AGTPBP1: variants seen among roughly 807,000 people sequenced by gnomAD.
AGTPBP1 encodes the protein cytosolic carboxypeptidase 1.
Under a neutral mutation model 143.9 loss-of-function variants are expected in AGTPBP1, and 70 were observed. The ratio of observed to expected loss-of-function variants is 0.49; its 90% CI spans 0.40 to 0.59. AGTPBP1 has a LOEUF of 0.59. Ranked by LOEUF, AGTPBP1 falls within the 20% of genes least tolerant of loss-of-function variation. AGTPBP1 has a pLI of 0.00. For synonymous variants in AGTPBP1, 463 were observed against 500.2 expected, an observed-to-expected ratio of 0.93 and a Z score of 0.99; for missense variants, 1,229 against 1,464.5, an observed-to-expected ratio of 0.84 and a Z score of 2.62.
At chr9:85,763,697 A>G in the AGTPBP1 span, among the ~76,000 whole-genome samples, 10 of 152,224 alleles carry the variant, frequency 6.6e-5, no homozygotes, top group Admixed American at 5.9e-4. Context: ...CAGTCAGTAG[A>G]CAATGTCTAA....
chr9:85,648,687 G>A lies in AGTPBP1; in HGVS notation c.1088-2269C>T, dbSNP rs576870803. Among the ~76,000 whole-genome samples, 13 of 152,076 alleles carry A rather than the reference G, an allele frequency of 8.5e-5. No individual in the cohort carries two copies. The South Asian group carries it at 1.7e-3, about 19-fold the overall frequency. ...ATTAGCTGGGCGTGGTGGCGGGCAC[G>A]TGTAGTCCCAGCTACTCGGGAGGCT... On this transcript the variant is annotated intron_variant, in intron 11 of 25. Coordinates refer to ENST00000357081, the MANE Select transcript of AGTPBP1 (RefSeq NM_001330701.2).
At chr9:85,699,818 T>A (rs1242191843) in intron 2 of AGTPBP1, among the ~76,000 whole-genome samples, 1 of 152,230 alleles carries the variant, frequency 6.6e-6, no homozygotes, top group Non-Finnish European at 1.5e-5. Context: ...TTATGTGGAA[T>A]GGATTATTTT....
the AGTPBP1 span, among the ~76,000 whole-genome samples, chr9:85,783,238 G>C: frequency 6.6e-6 from 1 of 152,174 alleles, no homozygotes; most frequent in Non-Finnish European, 1.5e-5. Context: ...GTCTAGTCTT[G>C]ATAATAACGT....
chr9:85,650,531 T>C (rs1394216744), intron 11 of AGTPBP1, among the ~76,000 whole-genome samples: 1 of 152,222 alleles, frequency 6.6e-6, no homozygotes, highest in African/African-American at 2.4e-5. Flanking sequence ...ATGTATTAAC[T>C]GTTTATGTTA....
At position 85,633,168 on chromosome 9, in the gene AGTPBP1, T is replaced by G. The variant is rs1831798753; in HGVS notation, c.1509A>C (p.Lys503Asn). ...GCTGTTGTAATGTTCTATCATTATC[T>G]TTAATATCTTCTTTTGCTAGATCCA... ...TFMDLAKEDI[K>N]DNDRTLQQQP... Residue 503 changes from lysine (K) to asparagine (N), a missense_variant, in exon 14 of 26, where the codon AAA becomes AAC. Lys to Asn is a moderately conservative substitution (Grantham distance 94). This residue lies in a region of AGTPBP1 where 743 missense variants were observed against 812.2 expected (regional missense o/e 0.91). Coordinates refer to ENST00000357081, the MANE Select transcript of AGTPBP1 (RefSeq NM_001330701.2). 3 of 1,613,390 alleles carry G rather than the reference T, an allele frequency of 1.9e-6. No homozygotes were observed. Among genetic ancestry groups the G allele is most frequent in the Admixed American group, 1.7e-5 (1 of 59,830 alleles).
rs1828070671 is a variant in AGTPBP1, at chr9:85,579,000, C to T, written c.3262G>A (p.Val1088Ile). The T allele has an allele frequency of 6.2e-7, 1 of 1,612,640 alleles. No individual in the cohort carries two copies. Among genetic ancestry groups the T allele is most frequent in the Non-Finnish European group, 8.5e-7 (1 of 1,179,530 alleles). ...EKSKESTARV[V>I]VWREIGVQRS... ...TGTACTCCTATTTCCCTCCAAACTA[C>T]AACACGTGCTGTGGATTCTTTAGAT... The change falls in exon 24 of 26, where the codon GTA (valine) becomes ATA (isoleucine). Residue 1088 changes from valine (V) to isoleucine (I), a missense_variant. By Grantham distance (29) the Val-to-Ile change is conservative. This residue lies in a region of AGTPBP1 where 486 missense variants were observed against 652.3 expected (regional missense o/e 0.75). Transcript: ENST00000357081.
intron 17 of AGTPBP1, among the ~76,000 whole-genome samples, chr9:85,609,220 C>T (rs888252998): frequency 2.6e-5 from 4 of 151,780 alleles, no homozygotes; most frequent in South Asian, 4.2e-4. Context: ...AATATACTCC[C>T]TAATTGTTCA....
chr9:85,680,569 G>T (rs1216828590), intron 4 of AGTPBP1, among the ~76,000 whole-genome samples: 1 of 151,242 alleles, frequency 6.6e-6, no homozygotes, highest in Non-Finnish European at 1.5e-5. Context: ...GGGCGACAGA[G>T]TGAGACTCTG....
intron 17 of AGTPBP1, among the ~76,000 whole-genome samples, chr9:85,612,692 G>A (rs894191775): frequency 1.3e-5 from 2 of 152,102 alleles, no homozygotes; most frequent in Admixed American, 6.5e-5. Context: ...AGGGGCAGTC[G>A]TGGGAGACTG....
chr9:85,789,156 A>G, the AGTPBP1 span, among the ~76,000 whole-genome samples: 10 of 152,202 alleles, frequency 6.6e-5, no homozygotes, highest in Non-Finnish European at 1.2e-4. Flanking sequence ...CTTTTGGTTA[A>G]ACATATATCC....
intron 13 of AGTPBP1, among the ~76,000 whole-genome samples, chr9:85,641,100 C>T (rs1283723266): frequency 6.6e-6 from 1 of 152,172 alleles, no homozygotes; most frequent in Non-Finnish European, 1.5e-5. Flanking sequence ...TAGCCATCTG[C>T]TACCAGATCA....
intron 10 of AGTPBP1, among the ~76,000 whole-genome samples, chr9:85,657,175 G>T (rs1325730009): frequency 1.0e-5 from 1 of 97,702 alleles, no homozygotes; most frequent in African/African-American, 4.8e-5. Flanking sequence ...AAACTTAAAA[G>T]TATAATAATA....
intron 6 of AGTPBP1, among the ~76,000 whole-genome samples, chr9:85,677,235 C>T (rs1342991464): frequency 1.3e-5 from 2 of 152,094 alleles, no homozygotes; most frequent in South Asian, 2.1e-4. Context: ...GTGATGGATA[C>T]CCCATGTACC....
chr9:85,570,971 G>A (rs910635041), intron 25 of AGTPBP1, among the ~76,000 whole-genome samples: 16 of 152,120 alleles, frequency 1.1e-4, no homozygotes, highest in Admixed American at 9.2e-4. Context: ...TTAAGGAAGG[G>A]AATTAGACAT....
chr9:85,734,235 A>C (rs1310979921), intron 1 of AGTPBP1, among the ~76,000 whole-genome samples: 1 of 152,126 alleles, frequency 6.6e-6, no homozygotes, highest in Non-Finnish European at 1.5e-5. Context: ...CCTGGCGACA[A>C]AGAGAGACTC....
chr9:85,629,083 A>G (rs1425224093), intron 14 of AGTPBP1, among the ~76,000 whole-genome samples: 2 of 152,138 alleles, frequency 1.3e-5, no homozygotes, highest in Non-Finnish European at 2.9e-5. Context: ...TTTGCACTTT[A>G]ACTTGCATAC....
chr9:85,618,232 C>CA (rs35683850), intron 17 of AGTPBP1, among the ~76,000 whole-genome samples: 26,412 of 107,242 alleles, frequency 0.25, 3,251 homozygotes, highest in East Asian at 0.6. Flanking sequence ...AACTCCATCT[C>CA]AAAAAAAAAA....
chr9:85,769,461 G>C, the AGTPBP1 span, among the ~76,000 whole-genome samples: 1 of 150,776 alleles, frequency 6.6e-6, no homozygotes, highest in Non-Finnish European at 1.5e-5. Flanking sequence ...CAAGGTAGGA[G>C]GTTTGCTTGG....
intron 1 of AGTPBP1, among the ~76,000 whole-genome samples, chr9:85,737,873 C>T (rs1302269029): frequency 2.0e-5 from 3 of 152,178 alleles, no homozygotes; most frequent in Admixed American, 6.5e-5. Flanking sequence ...TCCCCGGCCT[C>T]CCCACCCTGT....
Sources: gnomAD v4.1 joint callset for allele counts (sites outside exome capture counted in the v4.1 genomes callset) on GRCh38, gnomAD v4.1.1 for gene constraint, gnomAD v4.1.1 regional missense constraint, MANE v1.5 for transcripts, NCBI Gene and HGNC (gene_info 2026-07-23, HGNC 2026-07-21) for gene names.